The following TG variants were observed in gnomAD, a reference collection of about 807,000 sequenced individuals.
TG encodes thyroid hormones.
Under a neutral mutation model 324.7 loss-of-function variants are expected in TG, and 270 were observed. That is an observed-to-expected ratio of 0.83 (90% confidence interval 0.75 to 0.92). The LOEUF is 0.92. Ranked by LOEUF, TG falls within the 40% of genes least tolerant of loss-of-function variation. The pLI is 0.00. For missense variants in TG, 3,591 were observed against 3,456.4 expected, an observed-to-expected ratio of 1.04 and a Z score of -0.98; for synonymous variants, 1,401 against 1,327.0, an observed-to-expected ratio of 1.06 and a Z score of -1.21.
rs78151026 is a variant in TG at position 133,040,055 on chromosome 8, G to A, written c.7239+10032G>A. The stretch of plus-strand genomic sequence containing the variant: ...ACGCAAGGTGACAGGTGAGCTGGAG[G>A]CCCTCACTGCTGGGGCAGCCGTGCT... On this transcript the variant is annotated intron_variant, in intron 41 of 47. Transcript: ENST00000220616. 9 of 1,553,834 alleles carry A rather than the reference G, an allele frequency of 5.8e-6. No homozygotes were observed. The highest frequency in any genetic ancestry group is 1.7e-4 in the Middle Eastern group (1 of 6,014).
intron 22 of TG, 26 bp from the exon 23 acceptor site, chr8:132,929,050 A>G (rs762491941): frequency 6.9e-6 from 11 of 1,601,852 alleles, no homozygotes; most frequent in Admixed American, 1.7e-5. Flanking sequence ...TCTGAGTCAG[A>G]TTTACTAAAT....
At chr8:132,950,143 A>T (rs1164256265) in intron 27 of TG, among the ~76,000 whole-genome samples, 2 of 152,208 alleles carry the variant, frequency 1.3e-5, no homozygotes, top group Non-Finnish European at 2.9e-5. Context: ...CTGACTTATG[A>T]TGAAGATGGG....
intron 40 of TG, among the ~76,000 whole-genome samples, chr8:133,028,894 T>G (rs908251079): frequency 6.6e-6 from 1 of 152,174 alleles, no homozygotes; most frequent in Non-Finnish European, 1.5e-5. Flanking sequence ...GAATCATAAC[T>G]ATGGTGCCTC....
intron 5 of TG, among the ~76,000 whole-genome samples, chr8:132,874,002 C>T (rs575200939): frequency 1.3e-5 from 2 of 152,128 alleles, no homozygotes; most frequent in East Asian, 3.9e-4. Flanking sequence ...AACCCCATCT[C>T]TACTAAAAAA....
At chr8:132,974,893 T>C (rs1051478170) in intron 34 of TG, among the ~76,000 whole-genome samples, 16 of 152,192 alleles carry the variant, frequency 1.1e-4, no homozygotes, top group Admixed American at 3.3e-4. Context: ...CTGGAGTTAA[T>C]TATTACCAGT....
intron 41 of TG, chr8:133,050,839 C>T: frequency 6.2e-7 from 1 of 1,612,482 alleles, no homozygotes; most frequent in Non-Finnish European, 8.5e-7. Flanking sequence ...GCAGTTTCTC[C>T]CCTCGGCGGA....
At chr8:133,096,054 G>A (rs1848362610) in intron 42 of TG, 152 bp from the exon 43 acceptor site, 1 of 886,160 alleles carries the variant, frequency 1.1e-6, no homozygotes, top group Non-Finnish European at 1.8e-6. Flanking sequence ...TTGTCACATG[G>A]TGTCCTGCCT....
intron 34 of TG, among the ~76,000 whole-genome samples, chr8:132,978,916 CA>C (rs1247165868): frequency 6.6e-6 from 1 of 152,128 alleles, no homozygotes; most frequent in African/African-American, 2.4e-5. Flanking sequence ...AGCAGAGCAC[CA>C]AAAGGAGAGT....
intron 37 of TG, among the ~76,000 whole-genome samples, chr8:133,017,208 T>C (rs1835112268): frequency 6.6e-6 from 1 of 151,956 alleles, no homozygotes; most frequent in Non-Finnish European, 1.5e-5. Flanking sequence ...GATGTAAATG[T>C]GGGCCTGCAA....
intron 41 of TG, chr8:133,075,033 C>T (rs1844648891): frequency 2.0e-6 from 2 of 985,318 alleles, no homozygotes; most frequent in South Asian, 4.7e-5. Flanking sequence ...AAACTGGCCG[C>T]ATACTTCCTC....
intron 4 of TG, 91 bp from the exon 5 acceptor site, chr8:132,872,971 A>G: frequency 2.2e-6 from 3 of 1,380,802 alleles, no homozygotes; most frequent in East Asian, 2.4e-5. Flanking sequence ...GCTCATCCCC[A>G]TTGCTAAGGG....
intron 26 of TG, among the ~76,000 whole-genome samples, chr8:132,944,191 A>G (rs189743341): frequency 6.6e-6 from 1 of 152,076 alleles, no homozygotes; most frequent in African/African-American, 2.4e-5. Context: ...TGTCACTCCA[A>G]TTTCCTGTTG....
At chr8:132,983,118 A>G (rs898633619) in intron 34 of TG, among the ~76,000 whole-genome samples, 2 of 152,268 alleles carry the variant, frequency 1.3e-5, no homozygotes, top group Non-Finnish European at 2.9e-5. Context: ...TCTCTGCAGT[A>G]GGCAGGTGGT....
intron 26 of TG, among the ~76,000 whole-genome samples, chr8:132,943,098 G>C (rs914597521): frequency 6.6e-6 from 1 of 152,130 alleles, no homozygotes; most frequent in South Asian, 2.1e-4. Context: ...GGGTATAAGA[G>C]CCCCTTGTCT....
chr8:132,960,182 A>G (rs1827540186), intron 27 of TG, among the ~76,000 whole-genome samples: 1 of 152,238 alleles, frequency 6.6e-6, no homozygotes, highest in Admixed American at 6.5e-5. Flanking sequence ...TTGCATGTGT[A>G]TCCTGGAACT....
At position 133,108,746 on chromosome 8, in the gene TG, A is replaced by G. The variant is rs552852175; in HGVS notation, c.7573-4676A>G. 2.0e-5 allele frequency among the ~76,000 whole-genome samples: 3 copies of G among 152,292 alleles called. No homozygotes were observed. The East Asian group carries it at 5.8e-4, about 29-fold the overall frequency. ...TCGTTCATTCAATGCATATTTACCT[A>G]TGACATGCCTGTCACCATACTGAGC... On this transcript the variant is annotated intron_variant, in intron 43 of 47. Transcript: ENST00000220616.
At chr8:132,911,271 G>T in intron 18 of TG, 106 bp from the exon 19 acceptor site, 1 of 1,600,462 alleles carries the variant, frequency 6.2e-7, no homozygotes, top group Non-Finnish European at 8.5e-7. Flanking sequence ...GGTTGGTGGA[G>T]GATTGAAGGA....
At chr8:133,125,119 G>A (rs148333004) in intron 45 of TG, among the ~76,000 whole-genome samples, 103 of 152,264 alleles carry the variant, frequency 6.8e-4, no homozygotes, top group Non-Finnish European at 9.6e-4. Flanking sequence ...ACCTAACGCC[G>A]TCTATGCTGC....
At position 132,969,524 on chromosome 8, in the gene TG, C is replaced by T. The variant is rs748239110; in HGVS notation, c.5930C>T (p.Ser1977Phe). 2 of 1,613,758 alleles carry T rather than the reference C, an allele frequency of 1.2e-6. No individual in the cohort carries two copies. Among genetic ancestry groups the T allele is most frequent in the Admixed American group, 1.7e-5 (1 of 59,992 alleles). Residue 1977 changes from serine to phenylalanine, a missense_variant, in exon 32 of 48, where the codon TCC (serine) becomes TTC (phenylalanine). Transcript: ENST00000220616. ...CCGTTCCAAAAACTGATGGGGATAT[C>T]CATTAGAAATAAAGTGCCCATGTCT... is the stretch of plus-strand genomic sequence containing the variant. The part of the protein sequence containing the change: ...RLPFQKLMGI[S>F]IRNKVPMSEK...
Sources: allele counts gnomAD v4.1 joint callset (sites outside exome capture counted in the v4.1 genomes callset), GRCh38; gene constraint gnomAD v4.1.1; transcripts MANE v1.5; gene names NCBI Gene and HGNC (gene_info 2026-07-23, HGNC 2026-07-21).